Variants in DNAJA3 observed in about 807,000 individuals in gnomAD.
The protein encoded by DNAJA3 is DnaJ heat shock protein family (Hsp40) member A3, also known as dnaJ homolog subfamily A member 3, mitochondrial.
In DNAJA3, 29 loss-of-function variants were observed where a neutral mutation model predicts 54.9. The ratio of observed to expected loss-of-function variants is 0.53; its 90% CI spans 0.39 to 0.72. The LOEUF is 0.72. Among genes scored for constraint, DNAJA3 ranks in the 30% least tolerant of loss-of-function variants. The pLI, the probability that DNAJA3 is intolerant of heterozygous loss-of-function variation, is 0.00. For synonymous variants in DNAJA3, 302 were observed against 251.4 expected, an observed-to-expected ratio of 1.20 and a Z score of -1.90; for missense variants, 708 against 639.4, an observed-to-expected ratio of 1.11 and a Z score of -1.16.
At chr16:4,449,187 G>A (rs1187538622) in intron 9 of DNAJA3, among the ~76,000 whole-genome samples, 1 of 151,410 alleles carries the variant, frequency 6.6e-6, no homozygotes, top group African/African-American at 2.4e-5. Context: ...TAGTAGAGAT[G>A]GGGTTTCACC....
At position 4,441,620 on chromosome 16, in the gene DNAJA3, A is replaced by G. The variant is rs762125398; in HGVS notation, c.630+45A>G. ...GAATTATTCAAATTTTAGACTAAGT[A>G]TGGGTCAAACAAATTTTTTTATCAG... is the stretch of plus-strand genomic sequence containing the variant. On this transcript the variant is annotated intron_variant, in intron 4 of 11. Coordinates refer to ENST00000262375, the MANE Select transcript of DNAJA3 (RefSeq NM_005147.6). The G allele has an allele frequency of 3.1e-6, 5 of 1,593,592 alleles. No individual in the cohort carries two copies. In the South Asian group the frequency reaches 3.4e-5, roughly 11 times the overall value.
intron 3 of DNAJA3, among the ~76,000 whole-genome samples, chr16:4,438,715 G>C (rs895934255): frequency 1.4e-5 from 2 of 141,312 alleles, no homozygotes; most frequent in African/African-American, 5.2e-5. Context: ...GAGCTGAAGA[G>C]ATCCTCCTGC....
rs1016463268 is a variant in DNAJA3, at chr16:4,447,177, A to C, written c.1125+163A>C. ...ATTTTAGGCTGCTCCTTGAGTGTGG[A>C]CCACAAGCCACAGGCCTTGAGTCTA... On this transcript the variant is annotated intron_variant, in intron 8 of 11. Transcript: ENST00000262375. 77 of 747,840 alleles carry C rather than the reference A, an allele frequency of 1.0e-4. 1 individual carries two copies. In the East Asian group the frequency reaches 2.1e-3, roughly 20 times the overall value. The allele number at this position is 747,840 out of a possible 1,614,324, so 46.3% of individuals were successfully genotyped here.
At position 4,447,061 on chromosome 16, in the gene DNAJA3, C is replaced by T. The variant is rs1002715730; in HGVS notation, c.1125+47C>T. On this transcript the variant is annotated intron_variant, in intron 8 of 11. Transcript: ENST00000262375. ...TTTGTCACCCCTGTACTTTATTGCT[C>T]TTTTTCTGAAATGGAAAAGAACTGA... 5.0e-6 allele frequency: 8 copies of T among 1,586,148 alleles called. No individual in the cohort carries two copies. In the African/African-American group the frequency reaches 8.1e-5, roughly 16 times the overall value.
At chr16:4,426,209 G>C in intron 1 of DNAJA3, 117 bp downstream of exon 1, 1 of 1,150,648 alleles carries the variant, frequency 8.7e-7, no homozygotes, top group African/African-American at 1.6e-5. Flanking sequence ...CGACGCGGAT[G>C]CACAATTGCC....
At chr16:4,426,132 C>T (rs1254372705) in intron 1 of DNAJA3, 40 bp downstream of exon 1, 13 of 1,502,840 alleles carry the variant, frequency 8.7e-6, no homozygotes, top group Non-Finnish European at 7.1e-6. Flanking sequence ...GGTTTCAGGG[C>T]CTAGAAAAGA....
At chr16:4,444,290 G>C (rs574293729) in intron 6 of DNAJA3, among the ~76,000 whole-genome samples, 1 of 152,004 alleles carries the variant, frequency 6.6e-6, no homozygotes, top group East Asian at 1.9e-4. Flanking sequence ...TGGGTGGAAA[G>C]TGCTGTGGGA....
At chr16:4,441,150 C>G in intron 3 of DNAJA3, 3 of 558,292 alleles carry the variant, frequency 5.4e-6, no homozygotes, top group South Asian at 2.5e-5. Flanking sequence ...CGGGAGAGTT[C>G]GTGAGACTTT....
chr16:4,455,759 G>C lies in DNAJA3; in HGVS notation c.*227G>C, dbSNP rs2057028574. 8 of 637,628 alleles carry C rather than the reference G, an allele frequency of 1.3e-5. No individual in the cohort carries two copies. In the South Asian group the frequency reaches 1.5e-4, roughly 12 times the overall value. The allele number at this position is 637,628 out of a possible 1,614,324, so 39.5% of individuals were successfully genotyped here. ...GCAGTAGGATGCAGCCCCAGAGGCT[G>C]GTGGCAGTTTCCTGTCCATTGGTAG... On this transcript the variant is annotated 3_prime_UTR_variant, in exon 12 of 12. Transcript: ENST00000262375.
intron 1 of DNAJA3, among the ~76,000 whole-genome samples, chr16:4,428,425 C>T (rs192084725): frequency 2.6e-4 from 40 of 152,264 alleles, no homozygotes; most frequent in Admixed American, 7.2e-4. Flanking sequence ...CTAACATTTT[C>T]TAATGTCAAG....
At chr16:4,426,632 A>G (rs989046733) in intron 1 of DNAJA3, among the ~76,000 whole-genome samples, 2 of 152,242 alleles carry the variant, frequency 1.3e-5, no homozygotes, top group African/African-American at 4.8e-5. Context: ...CGTGGTGCTA[A>G]TTGAAGGGCA....
chr16:4,448,898 C>T lies in DNAJA3; in HGVS notation c.1241+50C>T, dbSNP rs201084045. The T allele has an allele frequency of 4.6e-4, 655 of 1,420,268 alleles. 5 individuals carry two copies. The highest frequency in any genetic ancestry group is 9.2e-5 in the Non-Finnish European group (93 of 1,013,086). 88.0% of individuals were successfully genotyped at this position (1,420,268 alleles called of 1,614,324 possible). A position where few individuals can be genotyped will look rare whatever the true frequency, so the allele number is the denominator to read the frequency against. The stretch of plus-strand genomic sequence containing the variant: ...AAGCCCGCCTGGTCCTGCGGTGGCA[C>T]TGCCCTTGGAGCTCTGTGGCTTGGG... On this transcript the variant is annotated intron_variant, in intron 9 of 11. Transcript: ENST00000262375.
rs778866770 is a variant in DNAJA3, at chr16:4,455,698, CCT to C, written c.*172_*173del. On this transcript the variant is annotated 3_prime_UTR_variant, in exon 12 of 12. Coordinates refer to ENST00000262375, the MANE Select transcript of DNAJA3 (RefSeq NM_005147.6). Reference sequence around the variant, plus strand: ...GCAACAGCAAAATCATGGGACAACACCTCTCTCCACGGAAAGGTCACAGTGGA... The same window carrying C: ...GCAACAGCAAAATCATGGGACAACACCTCTCCACGGAAAGGTCACAGTGGA... 2 of 1,035,406 alleles carry C rather than the reference CCT, an allele frequency of 1.9e-6. No homozygotes were observed. The highest frequency in any genetic ancestry group is 2.9e-6 in the Non-Finnish European group (2 of 689,806). The allele number at this position is 1,035,406 out of a possible 1,614,324, so 64.1% of individuals were successfully genotyped here. A position where few individuals can be genotyped will look rare whatever the true frequency, so the allele number is the denominator to read the frequency against.
At chr16:4,453,597 G>T (rs1048927356) in intron 10 of DNAJA3, among the ~76,000 whole-genome samples, 3 of 151,964 alleles carry the variant, frequency 2.0e-5, no homozygotes, top group Non-Finnish European at 4.4e-5. Context: ...GCCGCCCCTG[G>T]CTAATTTTTT....
chr16:4,442,448 C>A (rs751071079), intron 5 of DNAJA3, 28 bp downstream of exon 5: 2 of 1,554,354 alleles, frequency 1.3e-6, no homozygotes, highest in Admixed American at 1.9e-5. Flanking sequence ...ACTCCACCTC[C>A]CACGGCTTGC....
At position 4,450,484 on chromosome 16, in the gene DNAJA3, C is replaced by G; in HGVS notation, c.1326C>G (p.Thr442=). ...TDVEGTVNGV[T]LTSSGGSTMD... is the part of the protein sequence containing the mutation. ...TGGAGGGGACGGTGAACGGCGTCAC[C>G]CTCACCAGCTCTGGTAAGGAGTCTG... The change falls in exon 10 of 12, where the codon ACC becomes ACG. Residue 442 remains threonine, a synonymous_variant. Transcript: ENST00000262375. 6.2e-7 allele frequency: 1 copy of G among 1,609,010 alleles called. No individual in the cohort carries two copies. The highest frequency in any genetic ancestry group is 8.5e-7 in the Non-Finnish European group (1 of 1,178,014).
At chr16:4,434,124 C>G (rs2056741557) in intron 1 of DNAJA3, 2 of 418,916 alleles carry the variant, frequency 4.8e-6, no homozygotes, top group Non-Finnish European at 8.5e-6. Flanking sequence ...ATAAAACTAT[C>G]AGATCTCATG....
intron 7 of DNAJA3, 57 bp downstream of exon 7, chr16:4,444,785 T>A: frequency 1.4e-6 from 2 of 1,459,310 alleles, no homozygotes; most frequent in Admixed American, 1.8e-5. Flanking sequence ...CGGGTGGGTG[T>A]GGCTGAGGCT....
At chr16:4,438,038 C>G (rs947664777) in intron 3 of DNAJA3, among the ~76,000 whole-genome samples, 5 of 151,932 alleles carry the variant, frequency 3.3e-5, no homozygotes, top group Non-Finnish European at 7.4e-5. Flanking sequence ...GGATCCAGGC[C>G]AGGCGTGGTG....
Sources: allele counts gnomAD v4.1 joint callset (sites outside exome capture counted in the v4.1 genomes callset), GRCh38; gene constraint gnomAD v4.1.1; transcripts MANE v1.5; gene names NCBI Gene and HGNC (gene_info 2026-07-23, HGNC 2026-07-21).